Variants in CDK15 observed in about 807,000 individuals in gnomAD.
The protein encoded by CDK15 is cyclin-dependent kinase 15.
Under a neutral mutation model 60.3 loss-of-function variants are expected in CDK15, and 62 were observed. That is an observed-to-expected ratio of 1.03 (90% CI 0.84 to 1.27). CDK15 has a LOEUF of 1.27. Among genes scored for constraint, CDK15 ranks in the 50% most tolerant of loss-of-function variants. The pLI is 0.00. For synonymous variants in CDK15, 194 were observed against 195.7 expected (o/e 0.99, Z 0.07); for missense variants, 541 against 527.8 (o/e 1.03, Z -0.25).
chr2:201,879,520 C>A (rs984515755), intron 11 of CDK15, among the ~76,000 whole-genome samples: 2 of 152,152 alleles, frequency 1.3e-5, no homozygotes, highest in Non-Finnish European at 2.9e-5. Flanking sequence ...GCTGGGATTA[C>A]AGGTGCATGC....
chr2:201,814,436 A>G (rs1695906581), intron 4 of CDK15, among the ~76,000 whole-genome samples: 1 of 152,240 alleles, frequency 6.6e-6, no homozygotes, highest in African/African-American at 2.4e-5. Flanking sequence ...TCCAATTTCC[A>G]ACAATGAATG....
Position 201,812,496 on chromosome 2 carries a change from C to G in CDK15, c.382C>G (p.Leu128Val), listed in dbSNP as rs1273544586. The G allele has an allele frequency of 1.2e-6, 2 of 1,612,488 alleles. No individual in the cohort carries two copies. Among genetic ancestry groups the G allele is most frequent in the Admixed American group, 3.3e-5 (2 of 59,980 alleles). ...CCTCTCTTCTAGAATAAATGGACAACTAGTGGCTTTAAAAGTCATCAGCAT... is the reference window on the plus strand; with the variant it reads ...CCTCTCTTCTAGAATAAATGGACAAGTAGTGGCTTTAAAAGTCATCAGCAT... ...YKGISRINGQLVALKVISMNA... is the reference protein window; with the variant it reads ...YKGISRINGQVVALKVISMNA... Residue 128 changes from leucine to valine, a missense_variant, in exon 4 of 14, where the codon CTA becomes GTA. Leu to Val is a conservative substitution (Grantham distance 32). Transcript: ENST00000652192.
chr2:201,860,942 G>A, intron 10 of CDK15: 1 of 1,281,252 alleles, frequency 7.8e-7, no homozygotes, highest in Non-Finnish European at 1.0e-6. Flanking sequence ...TCTGCTTTGG[G>A]CTCAATGAGT....
In CDK15 at chr2:201,895,324, TA is replaced by T. The variant is rs561619966; in HGVS notation, c.*2063del. On this transcript the variant is annotated 3_prime_UTR_variant, in exon 14 of 14. Coordinates refer to ENST00000652192, the MANE Select transcript of CDK15 (RefSeq NM_001366386.2). ...GGAATGAATAGACAAATTTTGTTAT[TA>T]AAAAATTGATTTTATTAAGTGGAAG... 662 of 152,362 alleles carry T rather than the reference TA, an allele frequency of 4.3e-3. 8 individuals are homozygous for T. Among genetic ancestry groups the T allele is most frequent in the Non-Finnish European group, 3.2e-3 (215 of 68,038 alleles). 9.4% of individuals were successfully genotyped at this position (152,362 alleles called of 1,614,324 possible).
intron 6 of CDK15, among the ~76,000 whole-genome samples, chr2:201,824,317 G>T (rs1696366618): frequency 6.6e-6 from 1 of 152,086 alleles, no homozygotes; most frequent in Non-Finnish European, 1.5e-5. Flanking sequence ...ATAACCGTAT[G>T]AAATTTGTAT....
chr2:201,888,224 T>A (rs764165495), intron 12 of CDK15, among the ~76,000 whole-genome samples: 1 of 152,092 alleles, frequency 6.6e-6, no homozygotes, highest in Non-Finnish European at 1.5e-5. Flanking sequence ...CAGGATCAGA[T>A]TTCTAAAGGA....
At chr2:201,823,641 C>G (rs748510409) in intron 5 of CDK15, 24 bp from the exon 6 acceptor site, 2 of 1,609,188 alleles carry the variant, frequency 1.2e-6, no homozygotes, top group African/African-American at 1.3e-5. Context: ...TCACTCACTT[C>G]TCTTTCTCCG....
intron 4 of CDK15, among the ~76,000 whole-genome samples, chr2:201,818,175 T>G (rs1696072691): frequency 6.6e-6 from 1 of 152,178 alleles, no homozygotes; most frequent in African/African-American, 2.4e-5. Flanking sequence ...GTGCTGGAGA[T>G]GCAAAGACAA....
At chr2:201,851,601 G>T (rs1296147631) in intron 9 of CDK15, among the ~76,000 whole-genome samples, 1 of 152,150 alleles carries the variant, frequency 6.6e-6, no homozygotes, top group African/African-American at 2.4e-5. Flanking sequence ...TTGCATTGGG[G>T]ATAAAGTTTC....
At position 201,827,225 on chromosome 2, in the gene CDK15, C is replaced by T. The variant is rs916659539; in HGVS notation, c.606+3498C>T. Among the ~76,000 whole-genome samples, 6 of 152,276 alleles carry T rather than the reference C, an allele frequency of 3.9e-5. No individual in the cohort carries two copies. In the South Asian group the frequency reaches 1.0e-3, roughly 26 times the overall value. On this transcript the variant is annotated intron_variant, in intron 6 of 13. Coordinates refer to ENST00000652192, the MANE Select transcript of CDK15 (RefSeq NM_001366386.2). ...CTTTGGGAGGCCAAGTCAAGAAGAT[C>T]GCTTGAACCCAAGAGTTCAAGACTA...
At chr2:201,842,303 C>T (rs913401326) in intron 8 of CDK15, among the ~76,000 whole-genome samples, 2 of 152,130 alleles carry the variant, frequency 1.3e-5, no homozygotes, top group African/African-American at 2.4e-5. Context: ...TCATCCATGT[C>T]GTAGTACACT....
intron 10 of CDK15, among the ~76,000 whole-genome samples, chr2:201,866,157 T>G (rs192873425): frequency 1.4e-4 from 22 of 152,218 alleles, no homozygotes; most frequent in South Asian, 1.2e-3. Flanking sequence ...CATTATCAAC[T>G]ATTTAAATAT....
chr2:201,808,853 GTTA>G (rs1019205032), intron 3 of CDK15: 1 of 151,698 alleles, frequency 6.6e-6, no homozygotes, highest in Admixed American at 6.6e-5. Flanking sequence ...TATTTATGCT[GTTA>G]TTATTATTTT....
rs757637119 is a variant in CDK15, at chr2:201,833,832, T to G, written c.607-16T>G. On this transcript the variant is annotated splice_polypyrimidine_tract_variant and intron_variant, in intron 6 of 13. Transcript: ENST00000652192. ...GTGGCTCAAATCTCCTTATGGATAG[T>G]GTTTCTTCCTTCCAGCTTTTCATGT... 3.7e-6 allele frequency: 6 copies of G among 1,612,992 alleles called. No individual in the cohort carries two copies. Among genetic ancestry groups the G allele is most frequent in the Non-Finnish European group, 5.1e-6 (6 of 1,179,566 alleles).
At chr2:201,885,871 G>A (rs1393600826) in intron 12 of CDK15, among the ~76,000 whole-genome samples, 2 of 152,080 alleles carry the variant, frequency 1.3e-5, no homozygotes, top group Admixed American at 6.6e-5. Context: ...GTACTAATTG[G>A]TGAGGCTGGA....
intron 8 of CDK15, among the ~76,000 whole-genome samples, chr2:201,840,146 G>A (rs1434620512): frequency 5.3e-5 from 8 of 151,898 alleles, no homozygotes; most frequent in Non-Finnish European, 1.5e-5. Context: ...CATCACACCC[G>A]GCTAATTTTT....
chr2:201,886,759 AAG>A (rs1209859940), intron 12 of CDK15, among the ~76,000 whole-genome samples: 1 of 152,238 alleles, frequency 6.6e-6, no homozygotes, highest in Non-Finnish European at 1.5e-5. Flanking sequence ...AGGAAACAAA[AAG>A]AGCACAGCAA....
intron 10 of CDK15, among the ~76,000 whole-genome samples, chr2:201,865,628 G>A (rs553466386): frequency 1.3e-5 from 2 of 152,102 alleles, no homozygotes; most frequent in African/African-American, 2.4e-5. Context: ...AGTGGCTCAC[G>A]CCTTTAATCC....
At chr2:201,852,429 GC>G (rs1274298030) in intron 9 of CDK15, among the ~76,000 whole-genome samples, 1 of 152,184 alleles carries the variant, frequency 6.6e-6, no homozygotes, top group African/African-American at 2.4e-5. Context: ...TTTCTGAAGT[GC>G]CTGTAGTGTG....
Sources: gnomAD v4.1 joint callset for allele counts (sites outside exome capture counted in the v4.1 genomes callset) on GRCh38, gnomAD v4.1.1 for gene constraint, MANE v1.5 for transcripts, NCBI Gene and HGNC (gene_info 2026-07-23, HGNC 2026-07-21) for gene names.